PRKCZ: variants seen among roughly 807,000 people sequenced by gnomAD.
PRKCZ encodes protein kinase C zeta type.
Under a neutral mutation model 79.5 loss-of-function variants are expected in PRKCZ, and 33 were observed. The ratio of observed to expected loss-of-function variants is 0.41; its 90% CI spans 0.31 to 0.55. The LOEUF is 0.55. PRKCZ is among the 20% of genes least tolerant of loss of function. The pLI is 0.19. For synonymous variants in PRKCZ, 342 were observed against 320.9 expected, an observed-to-expected ratio of 1.07 and a Z score of -0.70; for missense variants, 578 against 813.5, an observed-to-expected ratio of 0.71 and a Z score of 3.52.
intron 4 of PRKCZ, among the ~76,000 whole-genome samples, chr1:2,098,930 C>T (rs967750721): frequency 6.6e-6 from 1 of 152,208 alleles, no homozygotes; most frequent in Admixed American, 6.5e-5. Context: ...ATCCACCCAC[C>T]TCAGCCTCCC....
intron 4 of PRKCZ, among the ~76,000 whole-genome samples, chr1:2,108,962 G>A (rs555255540): frequency 2.0e-5 from 3 of 152,226 alleles, no homozygotes; most frequent in African/African-American, 7.2e-5. Flanking sequence ...GTCTGAAGCC[G>A]CCTGCCCCTT....
chr1:2,101,581 G>C (rs1667448387), intron 4 of PRKCZ, among the ~76,000 whole-genome samples: 1 of 152,238 alleles, frequency 6.6e-6, no homozygotes, highest in South Asian at 2.1e-4. Flanking sequence ...CGTTCGGCCT[G>C]TGTCTGCCAC....
At chr1:2,067,302 C>T (rs911355353) in intron 4 of PRKCZ, among the ~76,000 whole-genome samples, 27 of 152,204 alleles carry the variant, frequency 1.8e-4, no homozygotes, top group African/African-American at 6.3e-4. Context: ...TTCAAGTTCT[C>T]TGTTTCTTTA....
chr1:2,068,991 C>A (rs1212654834), intron 4 of PRKCZ, among the ~76,000 whole-genome samples: 1 of 152,130 alleles, frequency 6.6e-6, no homozygotes, highest in Non-Finnish European at 1.5e-5. Flanking sequence ...GTTGGGGAAA[C>A]GTGGCCCAGT....
chr1:2,070,608 T>C (rs1557491240), intron 4 of PRKCZ, among the ~76,000 whole-genome samples: 1 of 151,774 alleles, frequency 6.6e-6, no homozygotes, highest in Non-Finnish European at 1.5e-5. Flanking sequence ...GTAGGGGAAG[T>C]GGAGGAACCT....
intron 4 of PRKCZ, among the ~76,000 whole-genome samples, chr1:2,113,403 G>T (rs1007895309): frequency 6.6e-6 from 1 of 152,096 alleles, no homozygotes; most frequent in African/African-American, 2.4e-5. Context: ...TTTGAGGGGG[G>T]CTCATCCGGG....
At chr1:2,179,396 G>A (rs991137709) in intron 16 of PRKCZ, among the ~76,000 whole-genome samples, 5 of 152,176 alleles carry the variant, frequency 3.3e-5, no homozygotes, top group African/African-American at 7.2e-5. Flanking sequence ...CCCCATCCCC[G>A]CAGGATCCCC....
At chr1:2,146,987 G>A (rs929854859) in intron 7 of PRKCZ, among the ~76,000 whole-genome samples, 1 of 150,638 alleles carries the variant, frequency 6.6e-6, no homozygotes, top group Non-Finnish European at 1.5e-5. Context: ...ATCTATCCAC[G>A]ATCCATCCAT....
chr1:2,143,022 C>CTTTTTTTTTTTTTTTTT (rs1278414533), intron 5 of PRKCZ: 1 of 144,328 alleles, frequency 6.9e-6, no homozygotes. Context: ...TGTATTTCCT[C>CTTTTTTTTTTTTTTTTT]TTCTTTTTTT....
intron 5 of PRKCZ, among the ~76,000 whole-genome samples, chr1:2,136,789 G>A (rs184750495): frequency 3.3e-5 from 5 of 152,260 alleles, no homozygotes; most frequent in East Asian, 3.9e-4. Flanking sequence ...GAGGACACAC[G>A]TTGTGAGTCT....
chr1:2,172,019 C>T lies in PRKCZ; in HGVS notation c.1062-36C>T. 6.4e-7 allele frequency: 1 copy of T among 1,563,082 alleles called. No individual in the cohort carries two copies. Among genetic ancestry groups the T allele is most frequent in the South Asian group, 1.2e-5 (1 of 83,216 alleles). The stretch of plus-strand genomic sequence containing the variant: ...GGAGCTGTTGGCGCAGCCTCTGGCA[C>T]AGGCACTGCCCCCATGACGGCATCC... On this transcript the variant is annotated intron_variant, in intron 11 of 17. Coordinates refer to ENST00000378567, the MANE Select transcript of PRKCZ (RefSeq NM_002744.6). This position sits in a 1 kb window ranked among gnomAD's most constrained non-coding sequence, Gnocchi z 7.8.
intron 4 of PRKCZ, among the ~76,000 whole-genome samples, chr1:2,089,832 C>T (rs1030896981): frequency 2.0e-5 from 3 of 152,088 alleles, no homozygotes; most frequent in South Asian, 2.1e-4. Flanking sequence ...CCGGAGGCTG[C>T]GGTGGGAGGA....
chr1:2,076,667 G>A (rs1157931788), intron 4 of PRKCZ, among the ~76,000 whole-genome samples: 1 of 151,768 alleles, frequency 6.6e-6, no homozygotes, highest in Non-Finnish European at 1.5e-5. Flanking sequence ...GCTTGAATCC[G>A]GGAGGCAGAG....
At chr1:2,055,961 C>G (rs1005844971) in intron 2 of PRKCZ, 4 of 196,192 alleles carry the variant, frequency 2.0e-5, no homozygotes, top group Admixed American at 1.1e-4. Flanking sequence ...GTGTCCACCT[C>G]CTGTCTCTTA....
chr1:2,148,841 A>AATT (rs1354010566), intron 7 of PRKCZ, 31 bp from the exon 8 acceptor site: 2 of 1,611,546 alleles, frequency 1.2e-6, no homozygotes, highest in Admixed American at 1.7e-5. Context: ...ACCACACCGT[A>AATT]ACGCCCCTTC....
At position 2,135,491 on chromosome 1, in the gene PRKCZ, T is replaced by C. The variant is rs540233086; in HGVS notation, c.420+144T>C. The C allele has an allele frequency of 1.5e-5, 11 of 742,224 alleles. No homozygotes were observed. In the South Asian group the frequency reaches 1.5e-4, roughly 10 times the overall value. The allele number at this position is 742,224 out of a possible 1,614,324, so 46.0% of individuals were successfully genotyped here. On this transcript the variant is annotated intron_variant, in intron 5 of 17. Coordinates refer to ENST00000378567, the MANE Select transcript of PRKCZ (RefSeq NM_002744.6). ...GGCAAGGTTACAGAAATGCTTTCTCTGGTGCAGGATGAGGCTTTGACTAGG... is the reference window on the plus strand; with the variant it reads ...GGCAAGGTTACAGAAATGCTTTCTCCGGTGCAGGATGAGGCTTTGACTAGG...
intron 4 of PRKCZ, among the ~76,000 whole-genome samples, chr1:2,079,191 A>G (rs1398692388): frequency 6.6e-6 from 1 of 152,196 alleles, no homozygotes; most frequent in Non-Finnish European, 1.5e-5. Flanking sequence ...TCAAAGGCAT[A>G]TCGCACTTTT....
intron 5 of PRKCZ, among the ~76,000 whole-genome samples, chr1:2,137,454 C>T (rs938435954): frequency 1.1e-4 from 17 of 152,190 alleles, no homozygotes; most frequent in Non-Finnish European, 1.8e-4. Context: ...CCAGTCAAGT[C>T]GGCGCCTGGT....
chr1:2,138,541 G>A (rs1407819448), intron 5 of PRKCZ, among the ~76,000 whole-genome samples: 2 of 152,212 alleles, frequency 1.3e-5, no homozygotes, highest in African/African-American at 4.8e-5. Flanking sequence ...ATCCTGAGGA[G>A]GTGATTGGTT....
Sources: allele counts gnomAD v4.1 joint callset (sites outside exome capture counted in the v4.1 genomes callset), GRCh38; gene constraint gnomAD v4.1.1; non-coding constraint Gnocchi (gnomAD v3.1); transcripts MANE v1.5; gene names NCBI Gene and HGNC (gene_info 2026-07-23, HGNC 2026-07-21).